Variants in USP40 observed in about 807,000 individuals in gnomAD.
USP40 encodes the protein ubiquitin carboxyl-terminal hydrolase 40.
In USP40, 143 loss-of-function variants were observed where a neutral mutation model predicts 166.2. That is an observed-to-expected ratio of 0.86 (90% CI 0.75 to 0.99). The LOEUF (loss-of-function observed/expected upper bound fraction) is 0.99, where lower values mean the gene tolerates loss of function less well. USP40 is among the 50% of genes least tolerant of loss of function. The probability of loss-of-function intolerance (pLI) is 0.00; values close to 1 mark genes in which losing one functional copy is unlikely to be tolerated. For synonymous variants in USP40, 498 were observed against 524.0 expected (o/e 0.95, Z 0.68); for missense variants, 1,444 against 1,479.7 (o/e 0.98, Z 0.40).
chr2:233,557,173 G>A (rs1434294340), intron 4 of USP40, among the ~76,000 whole-genome samples, 154 bp from the exon 5 acceptor site: 1 of 152,228 alleles, frequency 6.6e-6, no homozygotes, highest in Non-Finnish European at 1.5e-5. Flanking sequence ...AGCTGGTTAA[G>A]AGATTACCAC....
chr2:233,550,831 T>C (rs906618880), intron 7 of USP40, among the ~76,000 whole-genome samples: 5 of 152,224 alleles, frequency 3.3e-5, no homozygotes, highest in African/African-American at 1.2e-4. Context: ...GACTAGTGAA[T>C]TTCCATTTGC....
intron 10 of USP40, among the ~76,000 whole-genome samples, chr2:233,538,966 C>T (rs1559267451): frequency 6.6e-6 from 1 of 152,124 alleles, no homozygotes; most frequent in South Asian, 2.1e-4. Flanking sequence ...GAGGTCAAGG[C>T]TGCAGTGGGC....
At chr2:233,477,842 G>C (rs1450743692) in intron 31 of USP40, among the ~76,000 whole-genome samples, 1 of 152,236 alleles carries the variant, frequency 6.6e-6, no homozygotes, top group African/African-American at 2.4e-5. Flanking sequence ...CACACACACC[G>C]CTGCACGACT....
At chr2:233,535,727 T>C (rs1168552792) in intron 10 of USP40, among the ~76,000 whole-genome samples, 1 of 151,942 alleles carries the variant, frequency 6.6e-6, no homozygotes. Flanking sequence ...ATCCACAATA[T>C]GAGATTATAT....
chr2:233,561,268 T>G (rs568657710), intron 3 of USP40: 6 of 1,468,838 alleles, frequency 4.1e-6, no homozygotes, highest in Non-Finnish European at 4.6e-6. Flanking sequence ...AAGTCAATCC[T>G]AAGCCAAAAG....
At chr2:233,523,079 T>C in intron 16 of USP40, 91 bp downstream of exon 16, 1 of 1,325,694 alleles carries the variant, frequency 7.5e-7, no homozygotes, top group East Asian at 2.3e-5. Flanking sequence ...CATTCAACTC[T>C]TGTCACTAAA....
At position 233,480,589 on chromosome 2, in the gene USP40, T is replaced by C. The variant is rs952749119; in HGVS notation, c.3599+614A>G. 1.3e-5 allele frequency among the ~76,000 whole-genome samples: 2 copies of C among 152,088 alleles called. No homozygotes were observed. The highest frequency in any genetic ancestry group is 2.9e-5 in the Non-Finnish European group (2 of 68,024). On this transcript the variant is annotated intron_variant, in intron 31 of 31. Coordinates refer to ENST00000678225, the MANE Select transcript of USP40 (RefSeq NM_001365479.2). This position sits in a 1 kb window ranked among gnomAD's most constrained non-coding sequence, Gnocchi z 4.5. Reference sequence around the variant, plus strand: ...CAGCACCTGCTTCCTCCAGTGGCAGTAAGTGCAGAGCCAGACAACGGCAGG... The same window carrying C: ...CAGCACCTGCTTCCTCCAGTGGCAGCAAGTGCAGAGCCAGACAACGGCAGG...
chr2:233,493,452 T>A lies in USP40; in HGVS notation c.2890A>T (p.Arg964Ter). 1 of 1,614,024 alleles carries A rather than the reference T, an allele frequency of 6.2e-7. No individual in the cohort carries two copies. Among genetic ancestry groups the A allele is most frequent in the African/African-American group, 1.3e-5 (1 of 75,062 alleles). The change falls in exon 25 of 32, where the codon AGA becomes TGA. Residue 964 changes from arginine (R) to a stop codon, truncating the protein, a stop_gained. Transcript: ENST00000678225. LOFTEE classifies it high-confidence loss of function. This position sits in a 1 kb window ranked among gnomAD's most constrained non-coding sequence, Gnocchi z 4.7. Reference protein sequence around the residue: ...DQTNCTSSWGRVWRATSSQGA... With the variant: ...DQTNCTSSWG Reference sequence around the variant, plus strand: ...TGGCTGGAAGTGGCTCTCCAAACTCTGCCCCAAGACGAAGTACAGTTGGTC... The same window carrying A: ...TGGCTGGAAGTGGCTCTCCAAACTCAGCCCCAAGACGAAGTACAGTTGGTC...
intron 11 of USP40, among the ~76,000 whole-genome samples, chr2:233,529,798 TTTTC>T (rs1215052478): frequency 7.7e-6 from 1 of 129,774 alleles, no homozygotes; most frequent in Non-Finnish European, 1.6e-5. Flanking sequence ...CATCTTTTTT[TTTTC>T]TTTTTCTTTT....
intron 13 of USP40, 41 bp downstream of exon 13, chr2:233,527,366 G>A: frequency 6.3e-7 from 1 of 1,592,532 alleles, no homozygotes; most frequent in East Asian, 2.2e-5. Flanking sequence ...GCTGGAGATG[G>A]TGCTCGATGT....
In USP40 at chr2:233,485,891, G is replaced by T. The variant is rs758298358; in HGVS notation, c.3284C>A (p.Ala1095Asp). 4.4e-6 allele frequency: 7 copies of T among 1,604,144 alleles called. No homozygotes were observed. The highest frequency in any genetic ancestry group is 6.0e-6 in the Non-Finnish European group (7 of 1,175,810). The change falls in exon 29 of 32, where the codon GCC becomes GAC. Residue 1095 changes from alanine (A) to aspartate (D), a missense_variant. Coordinates refer to ENST00000678225, the MANE Select transcript of USP40 (RefSeq NM_001365479.2). ...CAGGGAGCCGGCAGTCCCACCCTGGGCCGCGTTCCACACCAGGTCCAGGGC... is the reference window on the plus strand; with the variant it reads ...CAGGGAGCCGGCAGTCCCACCCTGGTCCGCGTTCCACACCAGGTCCAGGGC... ...APALDLVWNA[A>D]QGGTAGSLRQ...
chr2:233,543,705 T>C (rs1216099255), intron 8 of USP40, among the ~76,000 whole-genome samples: 1 of 152,218 alleles, frequency 6.6e-6, no homozygotes, highest in African/African-American at 2.4e-5. Flanking sequence ...ACACAAAATC[T>C]GCTGGTGCCT....
intron 22 of USP40, 94 bp downstream of exon 22, chr2:233,499,785 T>C: frequency 8.7e-6 from 9 of 1,031,846 alleles, no homozygotes; most frequent in Non-Finnish European, 1.3e-5. Flanking sequence ...CCACACCCTA[T>C]AAATTTTTTT....
intron 22 of USP40, among the ~76,000 whole-genome samples, chr2:233,499,670 A>G (rs2065949816): frequency 6.6e-6 from 1 of 152,158 alleles, no homozygotes; most frequent in Non-Finnish European, 1.5e-5. Context: ...GATCCTATCT[A>G]AATTCTCTAC....
At chr2:233,491,393 T>C (rs2065327724) in intron 25 of USP40, 132 bp from the exon 26 acceptor site, 3 of 704,342 alleles carry the variant, frequency 4.3e-6, no homozygotes, top group East Asian at 2.7e-5. Flanking sequence ...ATCCAAGTCT[T>C]ATGAGGAGGC....
In USP40 at chr2:233,533,677, T is replaced by C. The variant is rs751821802; in HGVS notation, c.1273A>G (p.Asn425Asp). The change falls in exon 11 of 32, where the codon AAT becomes GAT. Residue 425 changes from asparagine to aspartate, a missense_variant. Transcript: ENST00000678225. ...SLQAESDFQR[N>D]DQQIFKMLPP... ...AGCATCTTGAAAATTTGCTGGTCATTCCTTTGGAAATCAGACTCAGCCTGG... is the reference window on the plus strand; with the variant it reads ...AGCATCTTGAAAATTTGCTGGTCATCCCTTTGGAAATCAGACTCAGCCTGG... 4 of 1,613,758 alleles carry C rather than the reference T, an allele frequency of 2.5e-6. No homozygotes were observed. The highest frequency in any genetic ancestry group is 1.7e-4 in the Middle Eastern group (1 of 6,060).
chr2:233,562,690 A>G lies in USP40; in HGVS notation c.267+46T>C. The G allele has an allele frequency of 2.9e-6, 4 of 1,360,770 alleles. 1 individual carries two copies. Among genetic ancestry groups the G allele is most frequent in the South Asian group, 2.9e-5 (2 of 67,808 alleles). 84.3% of individuals were successfully genotyped at this position (1,360,770 alleles called of 1,614,324 possible). A position where few individuals can be genotyped will look rare whatever the true frequency, so the allele number is the denominator to read the frequency against. ...TGTAACTAACCTGCACATTGTGCAC[A>G]TGTACCCTAAAACTTAAAGTATAAT... On this transcript the variant is annotated intron_variant, in intron 3 of 31. Transcript: ENST00000678225.
At chr2:233,488,890 G>C (rs535726378) in intron 27 of USP40, among the ~76,000 whole-genome samples, 1 of 152,150 alleles carries the variant, frequency 6.6e-6, no homozygotes, top group Non-Finnish European at 1.5e-5. Context: ...CTGGGCGACA[G>C]AGCCAGACCC....
At position 233,554,472 on chromosome 2, in the gene USP40, C is replaced by T. The variant is rs2070868941; in HGVS notation, c.601G>A (p.Ala201Thr). The T allele has an allele frequency of 6.2e-7, 1 of 1,613,008 alleles. No homozygotes were observed. Among genetic ancestry groups the T allele is most frequent in the Non-Finnish European group, 8.5e-7 (1 of 1,179,562 alleles). ...AVKNVSGLED[A>T]LWNMYVEEEV... ...TCTTCTACATACATGTTCCAGAGAG[C>T]ATCTTCCAAACCGGATACATTTTTG... The change falls in exon 6 of 32, where the codon GCT (alanine) becomes ACT (threonine). Residue 201 changes from alanine (A) to threonine (T), a missense_variant. Transcript: ENST00000678225.
Sources: gnomAD v4.1 joint callset for allele counts (sites outside exome capture counted in the v4.1 genomes callset) on GRCh38, gnomAD v4.1.1 for gene constraint, Gnocchi (gnomAD v3.1) non-coding constraint, MANE v1.5 for transcripts, NCBI Gene and HGNC (gene_info 2026-07-23, HGNC 2026-07-21) for gene names.